RBFOX3: variants seen among roughly 807,000 people sequenced by gnomAD.
RBFOX3 encodes RNA binding protein fox-1 homolog 3.
RBFOX3 carries 17 observed loss-of-function variants against 48.7 expected under a neutral mutation model. The ratio of observed to expected loss-of-function variants is 0.35; its 90% CI spans 0.24 to 0.52. The LOEUF (loss-of-function observed/expected upper bound fraction) is 0.52, where lower values mean the gene tolerates loss of function less well. Ranked by LOEUF, RBFOX3 falls within the 20% of genes least tolerant of loss-of-function variation. The probability of loss-of-function intolerance (pLI) is 0.94; values close to 1 mark genes in which losing one functional copy is unlikely to be tolerated. For synonymous variants in RBFOX3, 212 were observed against 209.5 expected (o/e 1.01, Z -0.10); for missense variants, 382 against 497.5 (o/e 0.77, Z 2.21).
intron 2 of RBFOX3, among the ~76,000 whole-genome samples, chr17:79,453,699 G>C (rs76604142): frequency 1.3e-5 from 2 of 151,716 alleles, no homozygotes; most frequent in East Asian, 3.9e-4. Context: ...AGTGTGTGCC[G>C]GTGTGTGCAG....
intron 2 of RBFOX3, among the ~76,000 whole-genome samples, chr17:79,437,665 C>T (rs1194083767): frequency 6.6e-6 from 1 of 152,220 alleles, no homozygotes; most frequent in Admixed American, 6.5e-5. Flanking sequence ...GTCTCCTGGG[C>T]ACCCCAGAGT....
At chr17:79,445,703 A>T (rs1258977267) in intron 2 of RBFOX3, among the ~76,000 whole-genome samples, 1 of 152,140 alleles carries the variant, frequency 6.6e-6, no homozygotes. Context: ...TCCAAAGCCC[A>T]CCCCTTCCTC....
At chr17:79,312,551 C>G (rs2076998841) in intron 2 of RBFOX3, among the ~76,000 whole-genome samples, 1 of 152,134 alleles carries the variant, frequency 6.6e-6, no homozygotes, top group African/African-American at 2.4e-5. Context: ...CCAGGGTCCC[C>G]AAGGTGGGGG....
rs1329098465 is a variant in RBFOX3 at position 79,220,806 on chromosome 17, G to A, written c.-34+14960C>T. ...GCCCCAAGTTGGAGCAGCAGGGAGG[G>A]AGGAGAAGCAGCTCCTGCAGAGGCG... On this transcript the variant is annotated intron_variant, in intron 4 of 14. Transcript: ENST00000693108. This position sits in a 1 kb window ranked among gnomAD's most constrained non-coding sequence, Gnocchi z 5.9. Among the ~76,000 whole-genome samples, 2 of 152,120 alleles carry A rather than the reference G, an allele frequency of 1.3e-5. No individual in the cohort carries two copies. The highest frequency in any genetic ancestry group is 2.9e-5 in the Non-Finnish European group (2 of 68,016).
At chr17:79,360,565 G>A (rs2086138206) in intron 2 of RBFOX3, among the ~76,000 whole-genome samples, 2 of 152,180 alleles carry the variant, frequency 1.3e-5, no homozygotes, top group African/African-American at 4.8e-5. Context: ...ACGATGAAAT[G>A]GGACAAGCTC....
At chr17:79,424,547 TG>T (rs1280732621) in intron 2 of RBFOX3, among the ~76,000 whole-genome samples, 3 of 152,172 alleles carry the variant, frequency 2.0e-5, no homozygotes, top group Non-Finnish European at 4.4e-5. Flanking sequence ...ACCACTGGCC[TG>T]GGGCTTCTTC....
At chr17:79,414,508 C>T (rs986566148) in intron 2 of RBFOX3, among the ~76,000 whole-genome samples, 11 of 152,192 alleles carry the variant, frequency 7.2e-5, no homozygotes, top group African/African-American at 1.2e-4. Flanking sequence ...GGCCCCAGGG[C>T]GAAAGCTCCC....
chr17:79,507,560 A>G (rs930510904), intron 1 of RBFOX3, among the ~76,000 whole-genome samples: 1 of 152,120 alleles, frequency 6.6e-6, no homozygotes, highest in Non-Finnish European at 1.5e-5. Context: ...TGTCCAGTCC[A>G]TATCCCAGGT....
At chr17:79,303,987 T>C (rs1568008018) in intron 3 of RBFOX3, among the ~76,000 whole-genome samples, 1 of 152,184 alleles carries the variant, frequency 6.6e-6, no homozygotes, top group African/African-American at 2.4e-5. Flanking sequence ...GCCTGCGACT[T>C]GGGGTTTTAC....
intron 2 of RBFOX3, among the ~76,000 whole-genome samples, chr17:79,416,654 C>T (rs1331915313): frequency 2.6e-5 from 4 of 152,230 alleles, no homozygotes; most frequent in Non-Finnish European, 5.9e-5. Context: ...GAAGTGGAGG[C>T]CGGCCCTCCC....
At position 79,090,668 on chromosome 17, in the gene RBFOX3, T is replaced by G. The variant is rs1028015512; in HGVS notation, c.*215A>C. The G allele has an allele frequency of 1.7e-6, 1 of 605,760 alleles. No individual in the cohort carries two copies. The highest frequency in any genetic ancestry group is 2.9e-6 in the Non-Finnish European group (1 of 346,610). The allele number at this position is 605,760 out of a possible 1,614,324, so 37.5% of individuals were successfully genotyped here. On this transcript the variant is annotated 3_prime_UTR_variant, in exon 15 of 15. Transcript: ENST00000693108. ...AGGACGCGGTGGGGCCGTCCTGTCC[T>G]GGGGCCGCTCCTCGGCGCCCCTGCC... is the stretch of plus-strand genomic sequence containing the variant.
intron 2 of RBFOX3, among the ~76,000 whole-genome samples, chr17:79,451,638 G>A (rs1051776472): frequency 6.6e-6 from 1 of 152,182 alleles, no homozygotes; most frequent in Non-Finnish European, 1.5e-5. Context: ...AGAGGCATCC[G>A]TGGAGCACCC....
rs563255463 is a variant in RBFOX3 at position 79,129,167 on chromosome 17, C to T, written c.-33-13419G>A. Among the ~76,000 whole-genome samples, 12 of 152,304 alleles carry T rather than the reference C, an allele frequency of 7.9e-5. No individual in the cohort carries two copies. In the South Asian group the frequency reaches 1.2e-3, roughly 16 times the overall value. On this transcript the variant is annotated intron_variant, in intron 4 of 14. Transcript: ENST00000693108. ...TGATGATAATTAGAGTAGTGACGGA[C>T]GGTGGCTGAAGGCTTACGAATGCCC...
At chr17:79,237,973 G>A (rs752024266) in intron 3 of RBFOX3, among the ~76,000 whole-genome samples, 5 of 152,316 alleles carry the variant, frequency 3.3e-5, no homozygotes, top group African/African-American at 4.8e-5. Flanking sequence ...CTCTCGCTCT[G>A]TTGCCCAGGC....
chr17:79,462,726 A>T (rs1555749826), intron 2 of RBFOX3, among the ~76,000 whole-genome samples: 1 of 152,202 alleles, frequency 6.6e-6, no homozygotes, highest in Non-Finnish European at 1.5e-5. Context: ...AGCAAGACGT[A>T]AAGATGAAAT....
intron 2 of RBFOX3, among the ~76,000 whole-genome samples, chr17:79,320,732 A>T (rs1200189915): frequency 6.6e-6 from 1 of 151,240 alleles, no homozygotes; most frequent in African/African-American, 2.4e-5. Context: ...TCAACGCAGG[A>T]GCCCTGCCCG....
rs374543112 is a variant in RBFOX3 at position 79,277,585 on chromosome 17, C to T, written c.-74+30139G>A. Among the ~76,000 whole-genome samples, 12 of 152,364 alleles carry T rather than the reference C, an allele frequency of 7.9e-5. No homozygotes were observed. In the East Asian group the frequency reaches 1.5e-3, roughly 20 times the overall value. On this transcript the variant is annotated intron_variant, in intron 3 of 14. Transcript: ENST00000693108. Reference sequence around the variant, plus strand: ...GGTATGTTTGCCAAGGATGGCCTGGCCACTGCGGGCCTCTGCCCAAACCTC... The same window carrying T: ...GGTATGTTTGCCAAGGATGGCCTGGTCACTGCGGGCCTCTGCCCAAACCTC...
chr17:79,528,564 G>A (rs1178686415), intron 1 of RBFOX3, among the ~76,000 whole-genome samples: 1 of 152,096 alleles, frequency 6.6e-6, no homozygotes, highest in Non-Finnish European at 1.5e-5. Context: ...CCGGGTCTTT[G>A]CAGATGTAAT....
intron 3 of RBFOX3, among the ~76,000 whole-genome samples, chr17:79,267,877 GCA>G (rs1038458878): frequency 4.6e-5 from 7 of 152,134 alleles, no homozygotes; most frequent in Non-Finnish European, 8.8e-5. Flanking sequence ...AACGCGCAAG[GCA>G]GAGAGAAAAG....
Sources: allele counts gnomAD v4.1 joint callset (sites outside exome capture counted in the v4.1 genomes callset), GRCh38; gene constraint gnomAD v4.1.1; non-coding constraint Gnocchi (gnomAD v3.1); transcripts MANE v1.5; gene names NCBI Gene and HGNC (gene_info 2026-07-23, HGNC 2026-07-21).